Variants in TMEM132D observed in about 807,000 individuals in gnomAD.
The protein encoded by TMEM132D is mature OL transmembrane protein.
TMEM132D carries 21 observed loss-of-function variants against 62.3 expected under a neutral mutation model. The observed-to-expected ratio is 0.34, with a 90% CI of 0.24 to 0.49. The LOEUF is 0.49. TMEM132D is among the 20% of genes least tolerant of loss of function. The pLI is 0.99. For synonymous variants in TMEM132D, 621 were observed against 575.6 expected, an observed-to-expected ratio of 1.08 and a Z score of -1.13; for missense variants, 1,346 against 1,402.8, an observed-to-expected ratio of 0.96 and a Z score of 0.65.
intron 5 of TMEM132D, among the ~76,000 whole-genome samples, chr12:129,206,415 C>G (rs1878849604): frequency 6.6e-6 from 1 of 152,172 alleles, no homozygotes; most frequent in Non-Finnish European, 1.5e-5. Flanking sequence ...CCATCTCACA[C>G]CAGTCAGATG....
chr12:129,888,262 T>G (rs1039439441), intron 1 of TMEM132D, among the ~76,000 whole-genome samples: 7 of 152,178 alleles, frequency 4.6e-5, no homozygotes, highest in African/African-American at 1.4e-4. Flanking sequence ...TTACATTTCA[T>G]TTACACAAAC....
At chr12:129,078,856 C>T in intron 7 of TMEM132D, 131 bp from the exon 8 acceptor site, 1 of 833,602 alleles carries the variant, frequency 1.2e-6, no homozygotes, top group Non-Finnish European at 1.9e-6. Flanking sequence ...GAGAACAGGC[C>T]TTTCCCACTC....
intron 2 of TMEM132D, among the ~76,000 whole-genome samples, chr12:129,673,920 A>G (rs1880567046): frequency 6.6e-6 from 1 of 152,164 alleles, no homozygotes; most frequent in Admixed American, 6.5e-5. Context: ...CCCTTTTCCA[A>G]GGTGACACGG....
At chr12:129,832,543 T>G (rs1329020226) in intron 1 of TMEM132D, among the ~76,000 whole-genome samples, 5 of 152,146 alleles carry the variant, frequency 3.3e-5, no homozygotes, top group Non-Finnish European at 7.3e-5. Context: ...GCTTCCCCCA[T>G]AGGTCCACTG....
intron 1 of TMEM132D, among the ~76,000 whole-genome samples, chr12:129,846,994 T>G (rs1873383793): frequency 6.6e-6 from 1 of 152,194 alleles, no homozygotes; most frequent in South Asian, 2.1e-4. Context: ...GACAATGTAT[T>G]ACAAAAAATT....
chr12:129,676,744 G>A (rs182161103), intron 2 of TMEM132D, among the ~76,000 whole-genome samples: 47 of 152,276 alleles, frequency 3.1e-4, no homozygotes, highest in Middle Eastern at 3.4e-3. Context: ...CTTAACAGGA[G>A]ATTTAGAGGG....
chr12:129,121,302 GC>G (rs1430553383), intron 5 of TMEM132D, among the ~76,000 whole-genome samples: 2 of 152,016 alleles, frequency 1.3e-5, no homozygotes, highest in Non-Finnish European at 2.9e-5. Context: ...TAACATGTTG[GC>G]CAGGCTGGTC....
At chr12:129,558,879 T>C (rs1304842511) in intron 2 of TMEM132D, among the ~76,000 whole-genome samples, 1 of 152,316 alleles carries the variant, frequency 6.6e-6, no homozygotes, top group African/African-American at 2.4e-5. Flanking sequence ...TACTTTGTCA[T>C]AGTAATGGCA....
At chr12:129,764,711 T>A (rs1470431037) in intron 1 of TMEM132D, among the ~76,000 whole-genome samples, 1 of 152,050 alleles carries the variant, frequency 6.6e-6, no homozygotes, top group Non-Finnish European at 1.5e-5. Context: ...GAGGTCGAGG[T>A]AGGAGGATTT....
chr12:129,432,428 G>A (rs1872689527), intron 3 of TMEM132D, among the ~76,000 whole-genome samples: 1 of 152,170 alleles, frequency 6.6e-6, no homozygotes, highest in African/African-American at 2.4e-5. Context: ...GTTTTTGTTT[G>A]TGTTTTGTTC....
chr12:129,513,974 A>G (rs1234593658), intron 3 of TMEM132D, among the ~76,000 whole-genome samples: 4 of 150,788 alleles, frequency 2.7e-5, no homozygotes, highest in East Asian at 4.0e-4. Context: ...AGTAGCTGGG[A>G]CTACAGGCGC....
At chr12:129,443,084 C>T (rs73151071) in intron 3 of TMEM132D, among the ~76,000 whole-genome samples, 4,438 of 152,232 alleles carry the variant, frequency 0.029, 101 homozygotes, top group Non-Finnish European at 0.041. Flanking sequence ...CTCCAGAGCT[C>T]CCCTTGGGGT....
At chr12:129,174,164 T>C (rs747721958) in intron 5 of TMEM132D, among the ~76,000 whole-genome samples, 10 of 152,190 alleles carry the variant, frequency 6.6e-5, no homozygotes, top group Non-Finnish European at 1.5e-4. Flanking sequence ...GTTTGTTACA[T>C]AGGTATATGT....
intron 2 of TMEM132D, among the ~76,000 whole-genome samples, chr12:129,557,775 G>A (rs1233871713): frequency 1.3e-5 from 2 of 152,166 alleles, no homozygotes; most frequent in Non-Finnish European, 2.9e-5. Flanking sequence ...GCATGGGGCT[G>A]ATGGATGGGT....
At chr12:129,283,852 C>T (rs1373671634) in intron 4 of TMEM132D, among the ~76,000 whole-genome samples, 4 of 152,248 alleles carry the variant, frequency 2.6e-5, no homozygotes, top group African/African-American at 9.6e-5. Flanking sequence ...ACAATTCCTC[C>T]TCTCTGTGTA....
At chr12:129,237,405 G>A (rs1879814208) in intron 4 of TMEM132D, among the ~76,000 whole-genome samples, 1 of 151,960 alleles carries the variant, frequency 6.6e-6, no homozygotes. Context: ...TCTGAGCTCT[G>A]CTTTATTCCA....
At chr12:129,084,776 A>T (rs910252919) in intron 5 of TMEM132D, 74 bp from the exon 6 acceptor site, 2 of 1,466,616 alleles carry the variant, frequency 1.4e-6, no homozygotes, top group Non-Finnish European at 1.9e-6. Context: ...AGGAGGAGGA[A>T]AGGGAAGTGC....
intron 2 of TMEM132D, among the ~76,000 whole-genome samples, chr12:129,584,611 C>T (rs1006984592): frequency 3.3e-5 from 5 of 152,314 alleles, no homozygotes; most frequent in African/African-American, 1.2e-4. Context: ...CCTCTGCCAT[C>T]CCAACGGAGA....
At chr12:129,895,972 T>C (rs58356290) in intron 1 of TMEM132D, among the ~76,000 whole-genome samples, 1 of 149,590 alleles carries the variant, frequency 6.7e-6, no homozygotes, top group African/African-American at 2.5e-5. Flanking sequence ...TCTTTTTTTT[T>C]TTTTTTTTTT....
Sources: gnomAD v4.1 joint callset for allele counts (sites outside exome capture counted in the v4.1 genomes callset) on GRCh38, gnomAD v4.1.1 for gene constraint, MANE v1.5 for transcripts, NCBI Gene and HGNC (gene_info 2026-07-23, HGNC 2026-07-21) for gene names.